PLEKHA1: variants seen among roughly 807,000 people sequenced by gnomAD.
The protein encoded by PLEKHA1 is pleckstrin homology domain containing A1, also known as pleckstrin homology domain-containing family A member 1.
Under a neutral mutation model 52.0 loss-of-function variants are expected in PLEKHA1, and 34 were observed. That is an observed-to-expected ratio of 0.65 (90% CI 0.50 to 0.87). PLEKHA1 has a LOEUF of 0.87. Ranked by LOEUF, PLEKHA1 falls within the 40% of genes least tolerant of loss-of-function variation. PLEKHA1 has a pLI of 0.00. For synonymous variants in PLEKHA1, 163 were observed against 170.7 expected (o/e 0.95, Z 0.35); for missense variants, 497 against 504.2 (o/e 0.99, Z 0.14).
intron 11 of PLEKHA1, among the ~76,000 whole-genome samples, chr10:122,427,370 A>G (rs1230227265): frequency 6.6e-6 from 1 of 152,212 alleles, no homozygotes; most frequent in Non-Finnish European, 1.5e-5. Context: ...GATCAGGATC[A>G]TGTAAGACTT....
rs1393072538 is a variant in PLEKHA1 at position 122,431,982 on chromosome 10, G to A, written c.*2044G>A. On this transcript the variant is annotated 3_prime_UTR_variant, in exon 12 of 12. Transcript: ENST00000368990. ...TATTTGCAATTTGATATATTTCATG[G>A]TGGCAAAATATTAGCTCTGTTTTGG... 1 of 152,008 alleles carries A rather than the reference G, an allele frequency of 6.6e-6. No homozygotes were observed. Among genetic ancestry groups the A allele is most frequent in the Non-Finnish European group, 1.5e-5 (1 of 67,988 alleles). The allele number at this position is 152,008 out of a possible 1,614,324, so 9.4% of individuals were successfully genotyped here.
chr10:122,410,685 A>G (rs879855423), intron 5 of PLEKHA1, among the ~76,000 whole-genome samples: 5 of 152,242 alleles, frequency 3.3e-5, no homozygotes, highest in Non-Finnish European at 5.9e-5. Flanking sequence ...AGAAGCAGTG[A>G]GCTTAACAGC....
At chr10:122,386,378 A>G (rs1333888991) in intron 1 of PLEKHA1, among the ~76,000 whole-genome samples, 1 of 151,718 alleles carries the variant, frequency 6.6e-6, no homozygotes. Context: ...TGCCTGTTCT[A>G]GGGTATCATT....
At chr10:122,377,793 C>T (rs2096558615) in intron 1 of PLEKHA1, among the ~76,000 whole-genome samples, 2 of 152,236 alleles carry the variant, frequency 1.3e-5, no homozygotes, top group South Asian at 2.1e-4. Flanking sequence ...GATGCTTAAG[C>T]AAACATATGT....
At position 122,424,180 on chromosome 10, in the gene PLEKHA1, T is replaced by TTTTG; in HGVS notation, c.682-16_682-15insGTTT. 6.9e-7 allele frequency: 1 copy of TTTTG among 1,454,724 alleles called. No individual in the cohort carries two copies. The highest frequency in any genetic ancestry group is 2.6e-5 in the East Asian group (1 of 38,364). 90.1% of individuals were successfully genotyped at this position (1,454,724 alleles called of 1,614,324 possible). A position where few individuals can be genotyped will look rare whatever the true frequency, so the allele number is the denominator to read the frequency against. The stretch of plus-strand genomic sequence containing the variant: ...TAAACATCATGTAACTGTTTTTTTT[T>TTTTG]TTTTTTTTTTTTTGCCAGGAAAAGG... On this transcript the variant is annotated intron_variant, in intron 8 of 11. Coordinates refer to ENST00000368990, the MANE Select transcript of PLEKHA1 (RefSeq NM_001001974.4).
At chr10:122,384,168 A>G (rs181579876) in intron 1 of PLEKHA1, among the ~76,000 whole-genome samples, 4 of 152,124 alleles carry the variant, frequency 2.6e-5, no homozygotes, top group African/African-American at 9.6e-5. Context: ...TCATTTTTCT[A>G]TTGAACGTTT....
chr10:122,378,398 T>A, intron 1 of PLEKHA1, among the ~76,000 whole-genome samples: 1 of 116,102 alleles, frequency 8.6e-6, no homozygotes. Flanking sequence ...CCACCCCCCA[T>A]AACATCATGG....
intron 1 of PLEKHA1, among the ~76,000 whole-genome samples, chr10:122,375,523 A>T (rs562134667): frequency 6.6e-6 from 1 of 152,260 alleles, no homozygotes; most frequent in South Asian, 2.1e-4. Flanking sequence ...GCCAGCTGCC[A>T]ACCGCAGAGC....
rs755189692 is a variant in PLEKHA1, at chr10:122,412,914, T to C, written c.343-6T>C. On this transcript the variant is annotated splice_polypyrimidine_tract_variant and splice_region_variant and intron_variant, in intron 5 of 11. Coordinates refer to ENST00000368990, the MANE Select transcript of PLEKHA1 (RefSeq NM_001001974.4). Reference sequence around the variant, plus strand: ...GCAAAATGATTCATTTTATTTACTATTTCAGGTACCAAAGCAGTCAGACTC... The same window carrying C: ...GCAAAATGATTCATTTTATTTACTACTTCAGGTACCAAAGCAGTCAGACTC... 5.0e-6 allele frequency: 8 copies of C among 1,612,368 alleles called. No individual in the cohort carries two copies. The highest frequency in any genetic ancestry group is 5.1e-6 in the Non-Finnish European group (6 of 1,179,138).
At chr10:122,400,248 TG>T in intron 3 of PLEKHA1, 94 bp from the exon 4 acceptor site, 1 of 897,454 alleles carries the variant, frequency 1.1e-6, no homozygotes, top group Non-Finnish European at 1.7e-6. Flanking sequence ...GTATGATTAT[TG>T]GGGAATCATA....
intron 11 of PLEKHA1, chr10:122,428,513 G>A (rs2097372445): frequency 8.8e-7 from 1 of 1,130,372 alleles, no homozygotes; most frequent in Non-Finnish European, 1.1e-6. Context: ...GGTTGGATAT[G>A]TGTATTTAAA....
chr10:122,380,048 A>G (rs1157607366), intron 1 of PLEKHA1, among the ~76,000 whole-genome samples: 2 of 152,220 alleles, frequency 1.3e-5, no homozygotes, highest in African/African-American at 2.4e-5. Context: ...TGCCTCATGT[A>G]AGTTTCACTA....
intron 1 of PLEKHA1, among the ~76,000 whole-genome samples, chr10:122,379,269 A>G (rs2096581835): frequency 6.6e-6 from 1 of 152,198 alleles, no homozygotes; most frequent in Admixed American, 6.5e-5. Flanking sequence ...GATAATGGCA[A>G]AACAACTTCA....
chr10:122,401,180 G>A (rs2096923243), intron 4 of PLEKHA1, among the ~76,000 whole-genome samples: 1 of 152,140 alleles, frequency 6.6e-6, no homozygotes, highest in East Asian at 1.9e-4. Flanking sequence ...TGAAGCTAGA[G>A]GGTATGATAA....
intron 1 of PLEKHA1, chr10:122,387,788 A>G (rs2096720819): frequency 6.6e-6 from 1 of 152,288 alleles, no homozygotes; most frequent in South Asian, 2.1e-4. Context: ...CTCTCCGCAC[A>G]GCTTCTTCAT....
intron 5 of PLEKHA1, 123 bp downstream of exon 5, chr10:122,406,796 G>C (rs2097022772): frequency 2.8e-6 from 2 of 709,218 alleles, no homozygotes; most frequent in South Asian, 1.8e-5. Context: ...TTGTTTAAAA[G>C]ACAGGTGTTC....
intron 1 of PLEKHA1, among the ~76,000 whole-genome samples, chr10:122,383,931 A>G (rs912422030): frequency 6.6e-6 from 1 of 152,158 alleles, no homozygotes; most frequent in African/African-American, 2.4e-5. Flanking sequence ...ATTTAATTTT[A>G]AAGAAACCAG....
Position 122,416,072 on chromosome 10 carries a change from G to A in PLEKHA1, c.612+70G>A, listed in dbSNP as rs34532774. On this transcript the variant is annotated intron_variant, in intron 7 of 11. Coordinates refer to ENST00000368990, the MANE Select transcript of PLEKHA1 (RefSeq NM_001001974.4). Reference sequence around the variant, plus strand: ...GTTCTAGCAAACTCAAATTAACATGGAAATTGTTTGCTTTATTTTATGAAA... The same window carrying A: ...GTTCTAGCAAACTCAAATTAACATGAAAATTGTTTGCTTTATTTTATGAAA... The A allele has an allele frequency of 7.4e-3, 10,866 of 1,464,888 alleles. 61 individuals are homozygous for A. The highest frequency in any genetic ancestry group is 9.4e-3 in the Non-Finnish European group (10,206 of 1,091,248). 90.7% of individuals were successfully genotyped at this position (1,464,888 alleles called of 1,614,324 possible).
chr10:122,406,758 G>C, intron 5 of PLEKHA1, 85 bp downstream of exon 5: 1 of 1,006,600 alleles, frequency 9.9e-7, no homozygotes, highest in Non-Finnish European at 1.5e-6. Context: ...AATGTTCCCA[G>C]CTTACCAACA....
Sources: gnomAD v4.1 joint callset for allele counts (sites outside exome capture counted in the v4.1 genomes callset) on GRCh38, gnomAD v4.1.1 for gene constraint, MANE v1.5 for transcripts, NCBI Gene and HGNC (gene_info 2026-07-23, HGNC 2026-07-21) for gene names.